The following SLC24A4 variants were observed in gnomAD, a reference collection of about 807,000 sequenced individuals.
SLC24A4 encodes solute carrier family 24 member 4.
In SLC24A4, 53 loss-of-function variants were observed where a neutral mutation model predicts 79.0. The ratio of observed to expected loss-of-function variants is 0.67; its 90% CI spans 0.54 to 0.84. The LOEUF is 0.84. Among genes scored for constraint, SLC24A4 ranks in the 40% least tolerant of loss-of-function variants. The pLI is 0.00. For synonymous variants in SLC24A4, 323 were observed against 323.8 expected (o/e 1.00, Z 0.03); for missense variants, 731 against 822.0 (o/e 0.89, Z 1.35).
chr14:92,341,833 C>T (rs747172752), intron 2 of SLC24A4, among the ~76,000 whole-genome samples: 1 of 152,180 alleles, frequency 6.6e-6, no homozygotes, highest in Non-Finnish European at 1.5e-5. Flanking sequence ...TGCATCTTTT[C>T]GTTCTCTAAT....
intron 2 of SLC24A4, among the ~76,000 whole-genome samples, chr14:92,384,454 A>C (rs2141718841): frequency 6.8e-6 from 1 of 147,584 alleles, no homozygotes; most frequent in East Asian, 2.1e-4. Context: ...CAGTGTGTGC[A>C]TGGGGGCCTG....
In SLC24A4 at chr14:92,439,390, C is replaced by A. The variant is rs1892366595; in HGVS notation, c.374C>A (p.Ser125Tyr). 1 of 1,612,738 alleles carries A rather than the reference C, an allele frequency of 6.2e-7. No individual in the cohort carries two copies. Among genetic ancestry groups the A allele is most frequent in the African/African-American group, 1.3e-5 (1 of 74,892 alleles). Residue 125 changes from serine (S) to tyrosine (Y), a missense_variant, in exon 4 of 17, where the codon TCT becomes TAT. Ser to Tyr is a moderately radical substitution (Grantham distance 144, BLOSUM62 -2). Transcript: ENST00000532405. ...GTGTGCGATGACTTCTTTGTTCCGT[C>A]TCTAGAGAAGATCTGTGAGGTATGT... The part of the protein sequence containing the change: ...AIVCDDFFVP[S>Y]LEKICERLHL...
intron 2 of SLC24A4, among the ~76,000 whole-genome samples, chr14:92,365,162 C>G (rs527303614): frequency 6.6e-6 from 1 of 152,392 alleles, no homozygotes; most frequent in East Asian, 1.9e-4. Flanking sequence ...TCAGGCCTGT[C>G]TCCAGAGCGC....
At chr14:92,477,827 GGCTGGAGTGCAGTGGTGT>G (rs1894855615) in intron 12 of SLC24A4, among the ~76,000 whole-genome samples, 1 of 146,560 alleles carries the variant, frequency 6.8e-6, no homozygotes, top group Non-Finnish European at 1.5e-5. Context: ...TTGTCTCCCA[GGCTGGAGTGCAGTGGTGT>G]GATCTTAGCT....
intron 16 of SLC24A4, chr14:92,492,839 G>A (rs756098051): frequency 6.6e-6 from 3 of 455,688 alleles, no homozygotes; most frequent in South Asian, 1.6e-5. Context: ...CTCCAGTGAG[G>A]TTCCTGGGAT....
chr14:92,435,378 G>A lies in SLC24A4; in HGVS notation c.318+1390G>A, dbSNP rs1336416286. 4.6e-5 allele frequency among the ~76,000 whole-genome samples: 7 copies of A among 152,198 alleles called. No homozygotes were observed. In the East Asian group the frequency reaches 5.8e-4, roughly 13 times the overall value. ...AACACAGACACTCCTATTCATTTCT[G>A]TAATATCTATTTTTTCACTTCAGAG... On this transcript the variant is annotated intron_variant, in intron 3 of 16. Transcript: ENST00000532405.
chr14:92,475,475 C>G lies in SLC24A4; in HGVS notation c.1256-7205C>G, dbSNP rs140098286. Among the ~76,000 whole-genome samples, 5 of 152,256 alleles carry G rather than the reference C, an allele frequency of 3.3e-5. No individual in the cohort carries two copies. In the East Asian group the frequency reaches 9.7e-4, roughly 29 times the overall value. On this transcript the variant is annotated intron_variant, in intron 12 of 16. Coordinates refer to ENST00000532405, the MANE Select transcript of SLC24A4 (RefSeq NM_153646.4). ...GGATTCAAGTAGTAAGGCTATGGGT[C>G]AACTTGGGTAGAGTTTCAATAATTC...
At chr14:92,344,878 G>T (rs1020870047) in intron 2 of SLC24A4, among the ~76,000 whole-genome samples, 3 of 152,180 alleles carry the variant, frequency 2.0e-5, no homozygotes, top group East Asian at 3.9e-4. Context: ...AGCTTGCCAA[G>T]TGTCTAAGCA....
chr14:92,455,317 A>G (rs928635417), intron 11 of SLC24A4, among the ~76,000 whole-genome samples: 1 of 152,238 alleles, frequency 6.6e-6, no homozygotes, highest in African/African-American at 2.4e-5. Flanking sequence ...ACAAATGTGC[A>G]TAGCTGCAGT....
chr14:92,340,057 T>C (rs1002802222), intron 2 of SLC24A4, among the ~76,000 whole-genome samples: 3 of 152,238 alleles, frequency 2.0e-5, no homozygotes, highest in African/African-American at 7.2e-5. Context: ...CATCCCCATT[T>C]TCCAAGATGG....
chr14:92,346,211 A>T (rs1445631465), intron 2 of SLC24A4, among the ~76,000 whole-genome samples: 1 of 152,076 alleles, frequency 6.6e-6, no homozygotes, highest in African/African-American at 2.4e-5. Flanking sequence ...AAATTGACCC[A>T]CTCTGCTTTC....
intron 2 of SLC24A4, among the ~76,000 whole-genome samples, chr14:92,393,585 G>T (rs2077292): frequency 7.3e-6 from 1 of 136,102 alleles, no homozygotes; most frequent in Non-Finnish European, 1.5e-5. Flanking sequence ...TCGCTCTGTC[G>T]CCCAGGATGG....
intron 2 of SLC24A4, among the ~76,000 whole-genome samples, chr14:92,360,266 T>G (rs1270311727): frequency 6.6e-6 from 1 of 152,166 alleles, no homozygotes; most frequent in Non-Finnish European, 1.5e-5. Flanking sequence ...GGACAGGGTC[T>G]CATTCTGTCA....
chr14:92,443,924 G>A (rs538205083), intron 7 of SLC24A4, among the ~76,000 whole-genome samples: 99 of 152,200 alleles, frequency 6.5e-4, no homozygotes, highest in Middle Eastern at 3.4e-3. Flanking sequence ...GCTGGGTGGC[G>A]GGCTTCCCTC....
At chr14:92,371,979 C>T (rs908264390) in intron 2 of SLC24A4, among the ~76,000 whole-genome samples, 23 of 15,304 alleles carry the variant, frequency 1.5e-3, no homozygotes, top group African/African-American at 1.7e-3. Context: ...TCATCAGACA[C>T]TTACTGACCA....
intron 12 of SLC24A4, among the ~76,000 whole-genome samples, chr14:92,464,778 C>T (rs1267825718): frequency 1.3e-5 from 2 of 152,252 alleles, no homozygotes; most frequent in African/African-American, 2.4e-5. Flanking sequence ...ACGCTTCATA[C>T]GTCCCCTTAC....
intron 2 of SLC24A4, among the ~76,000 whole-genome samples, chr14:92,332,192 G>A (rs1885519059): frequency 6.6e-6 from 1 of 152,158 alleles, no homozygotes; most frequent in African/African-American, 2.4e-5. Flanking sequence ...TGAGGCAGGT[G>A]AATTACTTGA....
At position 92,323,684 on chromosome 14, in the gene SLC24A4, C is replaced by T; in HGVS notation, c.-147C>T. On this transcript the variant is annotated 5_prime_UTR_variant, in exon 1 of 17. Coordinates refer to ENST00000532405, the MANE Select transcript of SLC24A4 (RefSeq NM_153646.4). This position sits in a 1 kb window ranked among gnomAD's most constrained non-coding sequence, Gnocchi z 4.9. ...CAAGGGGCTCCCCCGCCGACCTCGC[C>T]CTCGGGCCATGAGGCTTTGGCCCGG... 1.9e-6 allele frequency: 2 copies of T among 1,035,238 alleles called. No homozygotes were observed. Among genetic ancestry groups the T allele is most frequent in the East Asian group, 3.1e-5 (1 of 32,370 alleles). The allele number at this position is 1,035,238 out of a possible 1,614,324, so 64.1% of individuals were successfully genotyped here. A position where few individuals can be genotyped will look rare whatever the true frequency, so the allele number is the denominator to read the frequency against.
intron 2 of SLC24A4, among the ~76,000 whole-genome samples, chr14:92,361,610 A>G (rs1205460181): frequency 6.6e-6 from 1 of 152,180 alleles, no homozygotes; most frequent in South Asian, 2.1e-4. Flanking sequence ...AATAACGTAA[A>G]ACAGAGTCCT....
Sources: allele counts gnomAD v4.1 joint callset (sites outside exome capture counted in the v4.1 genomes callset), GRCh38; gene constraint gnomAD v4.1.1; non-coding constraint Gnocchi (gnomAD v3.1); transcripts MANE v1.5; gene names NCBI Gene and HGNC (gene_info 2026-07-23, HGNC 2026-07-21).